GRAMD1B: variants seen among roughly 807,000 people sequenced by gnomAD.
GRAMD1B encodes the protein GRAM domain containing 1B, also known as protein Aster-B.
Under a neutral mutation model 99.7 loss-of-function variants are expected in GRAMD1B, and 37 were observed. That is an observed-to-expected ratio of 0.37 (90% CI 0.29 to 0.49). GRAMD1B has a LOEUF of 0.49. Among genes scored for constraint, GRAMD1B ranks in the 20% least tolerant of loss-of-function variants. The probability of loss-of-function intolerance (pLI) is 0.98; values close to 1 mark genes in which losing one functional copy is unlikely to be tolerated. For synonymous variants in GRAMD1B, 427 were observed against 387.6 expected, an observed-to-expected ratio of 1.10 and a Z score of -1.19; for missense variants, 888 against 1,009.2, an observed-to-expected ratio of 0.88 and a Z score of 1.63.
intron 2 of GRAMD1B, among the ~76,000 whole-genome samples, chr11:123,530,067 A>T (rs903086209): frequency 6.6e-6 from 1 of 152,106 alleles, no homozygotes; most frequent in Non-Finnish European, 1.5e-5. Context: ...TAGTCCTCAG[A>T]TGAGGGGAGT....
chr11:123,616,278 C>T (rs1297873385), intron 17 of GRAMD1B, among the ~76,000 whole-genome samples: 5 of 152,144 alleles, frequency 3.3e-5, no homozygotes, highest in South Asian at 2.1e-4. Flanking sequence ...GCTGAGATCG[C>T]GCCACTGCAC....
chr11:123,599,433 T>G, intron 7 of GRAMD1B: 1 of 646,476 alleles, frequency 1.5e-6, no homozygotes. Context: ...GCACTGCTGC[T>G]GCTCCAGTAT....
In GRAMD1B at chr11:123,487,459, A is replaced by G. The variant is rs1937957726; in HGVS notation, c.452+6566A>G. On this transcript the variant is annotated intron_variant, in intron 2 of 19. Transcript: ENST00000635736. ...AATACTTCAGTGTTGCTGCAGCGCC[A>G]TATCCTAGGAGAGGGGTAGCTAGTG... 2.0e-5 allele frequency among the ~76,000 whole-genome samples: 3 copies of G among 152,306 alleles called. No individual in the cohort carries two copies. The South Asian group carries it at 6.2e-4, about 32-fold the overall frequency.
At chr11:123,461,169 T>C (rs541485203) in intron 1 of GRAMD1B, among the ~76,000 whole-genome samples, 7 of 152,358 alleles carry the variant, frequency 4.6e-5, no homozygotes, top group Admixed American at 3.3e-4. Flanking sequence ...GGACCAGTGC[T>C]CCTGTTGCCT....
At chr11:123,392,787 A>G (rs999380781) in intron 1 of GRAMD1B, among the ~76,000 whole-genome samples, 3 of 152,112 alleles carry the variant, frequency 2.0e-5, no homozygotes, top group South Asian at 2.1e-4. Context: ...TATTACTCCT[A>G]TCTACTTTTA....
chr11:123,536,957 A>C (rs1944028272), intron 2 of GRAMD1B, among the ~76,000 whole-genome samples: 1 of 152,198 alleles, frequency 6.6e-6, no homozygotes, highest in Admixed American at 6.5e-5. Context: ...AGAGCAGTAG[A>C]TTGGTCTCTC....
At chr11:123,360,538 G>A (rs569087460) in intron 1 of GRAMD1B, among the ~76,000 whole-genome samples, 11 of 152,152 alleles carry the variant, frequency 7.2e-5, no homozygotes, top group Admixed American at 3.9e-4. Flanking sequence ...TTTTCCGTCC[G>A]TGCTCAAAAG....
chr11:123,568,357 G>T (rs372975035), intron 2 of GRAMD1B, among the ~76,000 whole-genome samples: 1 of 152,244 alleles, frequency 6.6e-6, no homozygotes, highest in Non-Finnish European at 1.5e-5. Context: ...TTTGTAAGGT[G>T]TCTCTACCAG....
chr11:123,527,781 C>T (rs145686400), intron 2 of GRAMD1B, among the ~76,000 whole-genome samples: 1 of 152,174 alleles, frequency 6.6e-6, no homozygotes. Context: ...TGTCAGCACA[C>T]CCAACTTGGG....
chr11:123,626,320 A>G lies in GRAMD1B; in HGVS notation c.*3725A>G, dbSNP rs368185437. 6.6e-6 allele frequency: 1 copy of G among 152,336 alleles called. No homozygotes were observed. Among genetic ancestry groups the G allele is most frequent in the African/African-American group, 2.4e-5 (1 of 41,542 alleles). The allele number at this position is 152,336 out of a possible 1,614,324, so 9.4% of individuals were successfully genotyped here. A position where few individuals can be genotyped will look rare whatever the true frequency, so the allele number is the denominator to read the frequency against. On this transcript the variant is annotated 3_prime_UTR_variant, in exon 20 of 20. Coordinates refer to ENST00000635736, the MANE Select transcript of GRAMD1B (RefSeq NM_001387025.1). The stretch of plus-strand genomic sequence containing the variant: ...GGAATGACATGGGGAGGACAAAGAG[A>G]GCTCAAGAGGAATGCTTTGTGAGAA...
intron 2 of GRAMD1B, among the ~76,000 whole-genome samples, chr11:123,563,165 A>G (rs1176102459): frequency 6.6e-6 from 1 of 152,222 alleles, no homozygotes; most frequent in Admixed American, 6.5e-5. Context: ...AGGAGAAATT[A>G]GATTTGTTCT....
intron 1 of GRAMD1B, among the ~76,000 whole-genome samples, chr11:123,447,218 C>T (rs1334755595): frequency 6.6e-6 from 1 of 152,180 alleles, no homozygotes; most frequent in African/African-American, 2.4e-5. Context: ...TCAGCTGCCA[C>T]CTGTCAGCAC....
chr11:123,514,058 T>C (rs942377773), intron 2 of GRAMD1B, among the ~76,000 whole-genome samples: 15 of 151,910 alleles, frequency 9.9e-5, no homozygotes, highest in Non-Finnish European at 1.9e-4. Flanking sequence ...GTGGAGAGAG[T>C]TCAGTATGGA....
At chr11:123,609,652 C>A in intron 12 of GRAMD1B, 143 bp from the exon 13 acceptor site, 1 of 597,188 alleles carries the variant, frequency 1.7e-6, no homozygotes. Flanking sequence ...CACCCTCCCC[C>A]CGGCCCTCGG....
At chr11:123,520,148 G>A (rs2135416866) in intron 2 of GRAMD1B, among the ~76,000 whole-genome samples, 1 of 152,334 alleles carries the variant, frequency 6.6e-6, no homozygotes, top group Admixed American at 6.5e-5. Flanking sequence ...GAAAGTCAAA[G>A]CAGCTGCAAT....
At chr11:123,453,184 C>T (rs577600571) in intron 1 of GRAMD1B, among the ~76,000 whole-genome samples, 1 of 152,136 alleles carries the variant, frequency 6.6e-6, no homozygotes, top group South Asian at 2.1e-4. Flanking sequence ...AACTCCAAAC[C>T]TCTAATCCAG....
chr11:123,612,909 A>G (rs756785526), intron 15 of GRAMD1B, 45 bp downstream of exon 15: 1 of 1,091,980 alleles, frequency 9.2e-7, no homozygotes, highest in Non-Finnish European at 1.4e-6. Flanking sequence ...CAGAGATGGT[A>G]AACTGCACTG....
intron 2 of GRAMD1B, among the ~76,000 whole-genome samples, chr11:123,566,165 A>G (rs757827500): frequency 1.3e-5 from 2 of 152,168 alleles, no homozygotes; most frequent in African/African-American, 2.4e-5. Flanking sequence ...TCTTTAAAGG[A>G]TTCTCACTCC....
intron 2 of GRAMD1B, chr11:123,560,443 G>A: frequency 8.4e-7 from 1 of 1,197,054 alleles, no homozygotes; most frequent in South Asian, 1.5e-5. Flanking sequence ...TGAAACAGCA[G>A]AGCAAAGAAG....
Sources: allele counts gnomAD v4.1 joint callset (sites outside exome capture counted in the v4.1 genomes callset), GRCh38; gene constraint gnomAD v4.1.1; transcripts MANE v1.5; gene names NCBI Gene and HGNC (gene_info 2026-07-23, HGNC 2026-07-21).